The following CCDC192 variants were observed in gnomAD, a reference collection of about 807,000 sequenced individuals.
CCDC192 encodes the protein coiled-coil domain-containing protein 192.
chr5:127,731,618 C>T (rs891462404), intron 2 of CCDC192, among the ~76,000 whole-genome samples: 2 of 152,158 alleles, frequency 1.3e-5, no homozygotes, highest in African/African-American at 4.8e-5. Context: ...TTAAACTATA[C>T]TACAAGGCTA....
At chr5:127,748,720 T>C (rs1282099476) in intron 2 of CCDC192, among the ~76,000 whole-genome samples, 1 of 143,906 alleles carries the variant, frequency 6.9e-6, no homozygotes, top group Non-Finnish European at 1.5e-5. Flanking sequence ...TTTCACAATA[T>C]TGATTCTTCC....
In CCDC192 at chr5:127,727,950, G is replaced by A. The variant is rs114838847; in HGVS notation, c.114+20190G>A. ...GGTAGAGAAAATAATTTCAGAGCTG[G>A]AAGACTATCTTGCTGAAATAAGACA... On this transcript the variant is annotated intron_variant, in intron 2 of 6. Coordinates refer to ENST00000514853, the MANE Select transcript of CCDC192 (RefSeq NM_001317938.2). Among the ~76,000 whole-genome samples, 315 of 152,260 alleles carry A rather than the reference G, an allele frequency of 2.1e-3. 1 individual carries two copies. The highest frequency in any genetic ancestry group is 5.9e-3 in the Admixed American group (90 of 15,286).
chr5:127,926,430 T>G (rs2127196288), intron 6 of CCDC192, among the ~76,000 whole-genome samples: 1 of 152,294 alleles, frequency 6.6e-6, no homozygotes, highest in South Asian at 2.1e-4. Context: ...CTTGATAAAC[T>G]AGTACCCCAT....
chr5:127,754,494 TAC>T (rs67832481), intron 3 of CCDC192, 119 bp downstream of exon 3: 24,797 of 295,288 alleles, frequency 0.084, 448 homozygotes, highest in Middle Eastern at 0.11. Context: ...CACACACACA[TAC>T]ACACACACAC....
chr5:127,914,556 A>C (rs900559948), intron 6 of CCDC192, among the ~76,000 whole-genome samples: 1 of 152,226 alleles, frequency 6.6e-6, no homozygotes, highest in East Asian at 1.9e-4. Context: ...AGAGGATTTA[A>C]AAAATAGAAC....
At chr5:127,785,320 T>C (rs1011585536) in intron 3 of CCDC192, 3 of 454,484 alleles carry the variant, frequency 6.6e-6, no homozygotes, top group African/African-American at 6.1e-5. Flanking sequence ...GACCCAGAGC[T>C]CAGCACCTGA....
chr5:127,738,291 A>G (rs1086473), intron 2 of CCDC192, among the ~76,000 whole-genome samples: 109,663 of 125,980 alleles, frequency 0.87, 48,094 homozygotes, highest in African/African-American at 0.96. Context: ...GGTTTCTGCC[A>G]AGAGATCCGC....
intron 5 of CCDC192, among the ~76,000 whole-genome samples, chr5:127,826,804 A>G (rs1285127317): frequency 6.6e-6 from 1 of 151,928 alleles, no homozygotes; most frequent in Non-Finnish European, 1.5e-5. Flanking sequence ...AAAAATAATA[A>G]TAAAATAAAA....
chr5:127,729,267 G>A (rs1048183057), intron 2 of CCDC192, among the ~76,000 whole-genome samples: 3 of 152,118 alleles, frequency 2.0e-5, no homozygotes, highest in Middle Eastern at 3.2e-3. Flanking sequence ...AGACAAAGAA[G>A]GGCATTACAT....
intron 2 of CCDC192, among the ~76,000 whole-genome samples, chr5:127,734,067 C>G (rs1752813833): frequency 7.4e-6 from 1 of 134,452 alleles, no homozygotes; most frequent in Non-Finnish European, 1.6e-5. Context: ...CCGATGCTAT[C>G]CCTCCTCCCT....
chr5:127,866,454 TTTTG>T (rs993165853), intron 5 of CCDC192, among the ~76,000 whole-genome samples: 2 of 148,244 alleles, frequency 1.3e-5, no homozygotes, highest in African/African-American at 5.0e-5. Flanking sequence ...CAAAACCATT[TTTTG>T]TTTGTTTCCA....
intron 5 of CCDC192, among the ~76,000 whole-genome samples, chr5:127,828,613 G>GT (rs1749644579): frequency 6.6e-6 from 1 of 152,206 alleles, no homozygotes; most frequent in Non-Finnish European, 1.5e-5. Flanking sequence ...GTAAGGCAGA[G>GT]TGTAGCATGC....
chr5:127,926,234 A>G (rs994194550), intron 6 of CCDC192, among the ~76,000 whole-genome samples: 1 of 152,176 alleles, frequency 6.6e-6, no homozygotes, highest in African/African-American at 2.4e-5. Flanking sequence ...ATTTTTGTCT[A>G]TCTATTAAGC....
At chr5:127,780,505 T>C (rs1756149099) in intron 3 of CCDC192, among the ~76,000 whole-genome samples, 1 of 152,312 alleles carries the variant, frequency 6.6e-6, no homozygotes, top group Middle Eastern at 3.4e-3. Context: ...ATTTTTTGAT[T>C]ATGGCAATTC....
intron 6 of CCDC192, among the ~76,000 whole-genome samples, chr5:127,904,549 C>T (rs1167794486): frequency 1.4e-5 from 2 of 139,408 alleles, no homozygotes; most frequent in Non-Finnish European, 3.0e-5. Flanking sequence ...GTTGCCCAGG[C>T]TGGAATGAAG....
chr5:127,774,008 G>A (rs1285528628), intron 3 of CCDC192, among the ~76,000 whole-genome samples: 3 of 152,250 alleles, frequency 2.0e-5, no homozygotes, highest in East Asian at 1.9e-4. Context: ...CTACCTTAAC[G>A]ACTAATGATG....
chr5:127,883,664 G>A (rs1752441332), intron 6 of CCDC192, among the ~76,000 whole-genome samples: 1 of 152,300 alleles, frequency 6.6e-6, no homozygotes, highest in Non-Finnish European at 1.5e-5. Flanking sequence ...GAGATTTATT[G>A]CACAGAAGAT....
chr5:127,740,891 C>G (rs1580570587), intron 2 of CCDC192, among the ~76,000 whole-genome samples: 1 of 151,990 alleles, frequency 6.6e-6, no homozygotes, highest in South Asian at 2.1e-4. Context: ...GGTCAACATG[C>G]CAAAGTACTC....
intron 2 of CCDC192, among the ~76,000 whole-genome samples, chr5:127,736,870 C>CA (rs1369377225): frequency 6.9e-6 from 1 of 145,618 alleles, no homozygotes; most frequent in Non-Finnish European, 1.5e-5. Flanking sequence ...TTGATCCTTT[C>CA]AAAAAACCAG....
Sources: gnomAD v4.1 joint callset for allele counts (sites outside exome capture counted in the v4.1 genomes callset) on GRCh38, gnomAD v4.1.1 for gene constraint, MANE v1.5 for transcripts, NCBI Gene and HGNC (gene_info 2026-07-23, HGNC 2026-07-21) for gene names.